Variants in QTMAN observed in about 807,000 individuals in gnomAD.
QTMAN encodes the protein queuosine-tRNA mannosyltransferase.
the QTMAN span, among the ~76,000 whole-genome samples, chr2:144,233,845 A>C: frequency 6.6e-6 from 1 of 152,192 alleles, no homozygotes. Context: ...ACAGTTTAAA[A>C]ACCATGTGAG....
At chr2:144,161,339 G>C in the QTMAN span, among the ~76,000 whole-genome samples, 1 of 152,264 alleles carries the variant, frequency 6.6e-6, no homozygotes, top group African/African-American at 2.4e-5. Flanking sequence ...CCCTGTTGCA[G>C]AACCTCCCCA....
chr2:144,254,631 G>A, the QTMAN span, among the ~76,000 whole-genome samples: 10 of 152,260 alleles, frequency 6.6e-5, no homozygotes, highest in East Asian at 1.5e-3. Context: ...CTGCCTAGTG[G>A]AGCTGTAAGA....
the QTMAN span, among the ~76,000 whole-genome samples, chr2:143,983,405 A>G: frequency 1.3e-4 from 19 of 151,994 alleles, no homozygotes; most frequent in African/African-American, 4.3e-4. Flanking sequence ...CTGGTTAAAA[A>G]GTAAAGTTTG....
At chr2:144,186,870 T>C in the QTMAN span, among the ~76,000 whole-genome samples, 1 of 152,142 alleles carries the variant, frequency 6.6e-6, no homozygotes, top group African/African-American at 2.4e-5. Flanking sequence ...TAACTCTCCT[T>C]TTCAGTAACT....
the QTMAN span, among the ~76,000 whole-genome samples, chr2:144,272,034 T>C: frequency 2.0e-5 from 3 of 152,298 alleles, no homozygotes; most frequent in Non-Finnish European, 2.9e-5. Context: ...ATTGCTTTTA[T>C]AGAATGAAAC....
chr2:143,977,835 A>G, the QTMAN span, among the ~76,000 whole-genome samples: 3 of 152,218 alleles, frequency 2.0e-5, no homozygotes, highest in Non-Finnish European at 4.4e-5. Flanking sequence ...TCTTTTTAAT[A>G]GAAGGAGAGG....
chr2:144,133,421 T>A, the QTMAN span, among the ~76,000 whole-genome samples: 3 of 54,832 alleles, frequency 5.5e-5, no homozygotes, highest in Non-Finnish European at 8.5e-5. Flanking sequence ...TTATATATAA[T>A]ATATATAATA....
chr2:144,187,800 C>G, the QTMAN span, among the ~76,000 whole-genome samples: 3 of 152,130 alleles, frequency 2.0e-5, no homozygotes, highest in Non-Finnish European at 4.4e-5. Context: ...CATGCAAGTC[C>G]TAACCCATAG....
chr2:144,162,803 T>C, the QTMAN span, among the ~76,000 whole-genome samples: 1 of 152,134 alleles, frequency 6.6e-6, no homozygotes, highest in Non-Finnish European at 1.5e-5. Context: ...GGTGTGCATC[T>C]GAAGCTAAGG....
chr2:144,205,961 G>A, the QTMAN span, among the ~76,000 whole-genome samples: 11 of 152,110 alleles, frequency 7.2e-5, no homozygotes. Context: ...ATAACTTGTT[G>A]AGCTTTCGTA....
the QTMAN span, among the ~76,000 whole-genome samples, chr2:143,998,777 T>C: frequency 3.0e-4 from 46 of 152,226 alleles, no homozygotes; most frequent in Non-Finnish European, 6.0e-4. Context: ...CACTCTTCTG[T>C]TAAAATGCAT....
At chr2:143,965,153 G>A in the QTMAN span, among the ~76,000 whole-genome samples, 1 of 151,756 alleles carries the variant, frequency 6.6e-6, no homozygotes, top group African/African-American at 2.4e-5. Flanking sequence ...GAGCTTCTAG[G>A]CTTTTTGGTT....
chr2:143,960,476 A>G, the QTMAN span, among the ~76,000 whole-genome samples: 4 of 152,134 alleles, frequency 2.6e-5, no homozygotes, highest in African/African-American at 4.8e-5. Flanking sequence ...AGCTGAAACC[A>G]TATCAGGAAA....
the QTMAN span, chr2:143,957,364 T>C: frequency 1.3e-6 from 2 of 1,493,582 alleles, no homozygotes; most frequent in Non-Finnish European, 1.8e-6. Context: ...AAAAAGATAT[T>C]CATCTATTTA....
the QTMAN span, among the ~76,000 whole-genome samples, chr2:144,118,862 C>G: frequency 6.6e-6 from 1 of 152,092 alleles, no homozygotes; most frequent in Non-Finnish European, 1.5e-5. Context: ...GCCTGGGCGA[C>G]AGAGCAAGAC....
chr2:144,039,869 C>T, the QTMAN span, among the ~76,000 whole-genome samples: 1 of 152,150 alleles, frequency 6.6e-6, no homozygotes, highest in Non-Finnish European at 1.5e-5. Context: ...ATCCAGTGGG[C>T]TGAAGGTTTA....
the QTMAN span, among the ~76,000 whole-genome samples, chr2:144,106,764 C>T: frequency 1.3e-5 from 2 of 152,218 alleles, no homozygotes; most frequent in Non-Finnish European, 2.9e-5. Flanking sequence ...ACCTAATAGA[C>T]ATCTACAGAA....
the QTMAN span, among the ~76,000 whole-genome samples, chr2:143,998,484 G>A: frequency 6.6e-6 from 1 of 151,308 alleles, no homozygotes; most frequent in Non-Finnish European, 1.5e-5. Context: ...TGCTACCTTG[G>A]AATTTTTTGG....
At chr2:144,038,504 T>C in the QTMAN span, among the ~76,000 whole-genome samples, 1 of 152,140 alleles carries the variant, frequency 6.6e-6, no homozygotes, top group Non-Finnish European at 1.5e-5. Context: ...TTTTAAACAG[T>C]TTATTCACTA....
Sources: gnomAD v4.1 joint callset for allele counts (sites outside exome capture counted in the v4.1 genomes callset) on GRCh38, gnomAD v4.1.1 for gene constraint, MANE v1.5 for transcripts, NCBI Gene and HGNC (gene_info 2026-07-23, HGNC 2026-07-21) for gene names.